Variants in NME8 observed in about 807,000 individuals in gnomAD.
The protein encoded by NME8 is protein NME8.
NME8 carries 72 observed loss-of-function variants against 82.3 expected under a neutral mutation model. The observed-to-expected ratio is 0.87, with a 90% CI of 0.72 to 1.06. The LOEUF is 1.06. NME8 is among the 50% of genes least tolerant of loss of function. The probability of loss-of-function intolerance (pLI) is 0.00; values close to 1 mark genes in which losing one functional copy is unlikely to be tolerated. For missense variants in NME8, 712 were observed against 685.4 expected, an observed-to-expected ratio of 1.04 and a Z score of -0.43; for synonymous variants, 267 against 228.5, an observed-to-expected ratio of 1.17 and a Z score of -1.52.
intron 12 of NME8, among the ~76,000 whole-genome samples, chr7:37,880,007 G>A (rs549241114): frequency 3.9e-5 from 6 of 152,168 alleles, no homozygotes; most frequent in African/African-American, 1.2e-4. Context: ...CTTTGATGAT[G>A]TGTTGTCTCT....
Position 37,897,091 on chromosome 7 carries a change from A to G in NME8, c.1766A>G (p.Ter589=). Residue 589 remains the stop codon, a stop_retained_variant, in exon 17 of 18, where the codon TAA becomes TGA. Transcript: ENST00000199447. The stretch of plus-strand genomic sequence containing the variant: ...CTCTTTGAGGATCCTGAGGAAAACT[A>G]AAGTATATACTGTGAAGTACGTACC... The part of the protein sequence containing the change: ...NRLFEDPEEN[*] The G allele has an allele frequency of 6.3e-7, 1 of 1,592,594 alleles. No homozygotes were observed. The highest frequency in any genetic ancestry group is 8.6e-7 in the Non-Finnish European group (1 of 1,160,428).
chr7:37,849,649 T>G (rs1045892260), intron 2 of NME8, among the ~76,000 whole-genome samples: 9 of 151,962 alleles, frequency 5.9e-5, no homozygotes, highest in African/African-American at 2.2e-4. Flanking sequence ...GGTGGGAGGA[T>G]CACGGGTCAG....
chr7:37,862,915 A>G (rs564088579), intron 7 of NME8, among the ~76,000 whole-genome samples: 4 of 151,946 alleles, frequency 2.6e-5, no homozygotes, highest in Non-Finnish European at 5.9e-5. Flanking sequence ...AGGTCAGGAG[A>G]TGGAGACCAG....
rs567620217 is a variant in NME8, at chr7:37,862,068, C to T, written c.311C>T (p.Pro104Leu). Residue 104 changes from proline to leucine, a missense_variant, in exon 7 of 18, where the codon CCG becomes CTG. Physicochemically the swap from Pro to Leu is moderately conservative, Grantham distance 98. Coordinates refer to ENST00000199447, the MANE Select transcript of NME8 (RefSeq NM_016616.5). ...IIEKIQGANA[P>L]LVNKKVINLI... ...GAAAAGATTCAGGGTGCAAATGCAC[C>T]GCTTGTTAATAAAAAAGTTATTAAT... 7.1e-5 allele frequency: 114 copies of T among 1,613,502 alleles called. 2 individuals are homozygous for T. In the South Asian group the frequency reaches 8.2e-4, roughly 12 times the overall value.
At chr7:37,864,191 C>G (rs1784639600) in intron 8 of NME8, among the ~76,000 whole-genome samples, 157 bp from the exon 9 acceptor site, 1 of 152,108 alleles carries the variant, frequency 6.6e-6, no homozygotes, top group African/African-American at 2.4e-5. Context: ...AAGTAGGAAC[C>G]CTCTGGTAGT....
At chr7:37,890,019 TA>T (rs1192738710) in intron 15 of NME8, among the ~76,000 whole-genome samples, 6 of 152,048 alleles carry the variant, frequency 3.9e-5, no homozygotes, top group Non-Finnish European at 8.8e-5. Context: ...ATGGTAAATT[TA>T]GTTTTTAGCA....
At chr7:37,864,600 C>G (rs970800694) in intron 9 of NME8, among the ~76,000 whole-genome samples, 179 bp downstream of exon 9, 1 of 152,060 alleles carries the variant, frequency 6.6e-6, no homozygotes. Flanking sequence ...ATTCATGCAT[C>G]CTTCTGTAAA....
At chr7:37,880,414 G>A (rs544135946) in intron 12 of NME8, among the ~76,000 whole-genome samples, 1 of 152,102 alleles carries the variant, frequency 6.6e-6, no homozygotes, top group Non-Finnish European at 1.5e-5. Context: ...TGTTTTGAGA[G>A]GGTATTTCTA....
chr7:37,849,734 G>C (rs1028824306), intron 2 of NME8, among the ~76,000 whole-genome samples: 1 of 152,020 alleles, frequency 6.6e-6, no homozygotes, highest in Non-Finnish European at 1.5e-5. Flanking sequence ...AGCCCGCCGT[G>C]GTGGCGGGTG....
chr7:37,884,953 C>T (rs989578045), intron 13 of NME8, among the ~76,000 whole-genome samples, 192 bp from the exon 14 acceptor site: 2 of 152,174 alleles, frequency 1.3e-5, no homozygotes, highest in African/African-American at 4.8e-5. Flanking sequence ...CTTCCTTTCC[C>T]TGCTTCTATT....
chr7:37,882,633 A>G (rs1432271802), intron 12 of NME8, among the ~76,000 whole-genome samples: 1 of 138,946 alleles, frequency 7.2e-6, no homozygotes, highest in Non-Finnish European at 1.6e-5. Context: ...GAAAGAAAGA[A>G]AGAAAGAAAG....
intron 17 of NME8, among the ~76,000 whole-genome samples, chr7:37,897,704 C>G (rs1237235671): frequency 1.3e-5 from 2 of 151,146 alleles, no homozygotes; most frequent in African/African-American, 4.9e-5. Context: ...TATGTTGTTC[C>G]CTTCTCTGTG....
intron 14 of NME8, among the ~76,000 whole-genome samples, chr7:37,886,293 T>C (rs1785039377): frequency 1.3e-5 from 2 of 152,200 alleles, no homozygotes; most frequent in Non-Finnish European, 2.9e-5. Context: ...ACAAGGCCTG[T>C]GCCAGTAGGC....
chr7:37,891,082 T>A (rs1271109434), intron 15 of NME8, among the ~76,000 whole-genome samples: 1 of 152,016 alleles, frequency 6.6e-6, no homozygotes, highest in Non-Finnish European at 1.5e-5. Flanking sequence ...CTGAGAAATG[T>A]CCATTCAGGT....
At chr7:37,866,557 T>A (rs1299957746) in intron 10 of NME8, among the ~76,000 whole-genome samples, 2 of 152,236 alleles carry the variant, frequency 1.3e-5, no homozygotes, top group African/African-American at 4.8e-5. Context: ...GCCCCGTAGA[T>A]GACTTGGAAA....
At position 37,876,851 on chromosome 7, in the gene NME8, A is replaced by C; in HGVS notation, c.838A>C (p.Arg280=). 6.2e-7 allele frequency: 1 copy of C among 1,612,640 alleles called. No homozygotes were observed. Among genetic ancestry groups the C allele is most frequent in the Non-Finnish European group, 8.5e-7 (1 of 1,179,074 alleles). ...TGACAGTTTACAAGAATATCTGGAA[A>C]GACAACATTTAGCTCAGCTCTGTGA... ...KQDSLQEYLE[R]QHLAQLCDIE... is the part of the protein sequence containing the mutation. The change falls in exon 12 of 18, where the codon AGA becomes CGA. Residue 280 remains arginine, a synonymous_variant. Transcript: ENST00000199447.
chr7:37,852,113 T>C (rs533111739), intron 5 of NME8, among the ~76,000 whole-genome samples: 2 of 152,318 alleles, frequency 1.3e-5, no homozygotes, highest in Admixed American at 6.5e-5. Context: ...AATTGACTTT[T>C]TTTTTTTGTC....
chr7:37,858,216 A>T (rs1784541738), intron 6 of NME8, among the ~76,000 whole-genome samples: 1 of 152,202 alleles, frequency 6.6e-6, no homozygotes, highest in Admixed American at 6.5e-5. Context: ...GAGGAGATAG[A>T]CAGGACTTGG....
Position 37,862,042 on chromosome 7 carries a change from C to T in NME8, c.285C>T (p.Ile95=), listed in dbSNP as rs201295247. 1.3e-4 allele frequency: 214 copies of T among 1,612,458 alleles called. No individual in the cohort carries two copies. Among genetic ancestry groups the T allele is most frequent in the Non-Finnish European group, 1.6e-4 (185 of 1,178,854 alleles). The change falls in exon 7 of 18, where the codon ATC becomes ATT. Residue 95 remains isoleucine, a synonymous_variant. Coordinates refer to ENST00000199447, the MANE Select transcript of NME8 (RefSeq NM_016616.5). ...VFLFSVNGKI[I]EKIQGANAPL... The stretch of plus-strand genomic sequence containing the variant: ...TTCCCTTATAGAATGGCAAAATTAT[C>T]GAAAAGATTCAGGGTGCAAATGCAC...
Sources: gnomAD v4.1 joint callset for allele counts (sites outside exome capture counted in the v4.1 genomes callset) on GRCh38, gnomAD v4.1.1 for gene constraint, MANE v1.5 for transcripts, NCBI Gene and HGNC (gene_info 2026-07-23, HGNC 2026-07-21) for gene names.